Variants in CENPP observed in about 807,000 individuals in gnomAD.
CENPP encodes the protein centromere protein P.
A neutral mutation model predicts 35.6 loss-of-function variants in CENPP; 24 were observed. The observed-to-expected ratio is 0.67, with a 90% CI of 0.49 to 0.95. CENPP has a LOEUF of 0.95. Ranked by LOEUF, CENPP falls within the 40% of genes least tolerant of loss-of-function variation. CENPP has a pLI of 0.00. For missense variants in CENPP, 332 were observed against 345.3 expected, an observed-to-expected ratio of 0.96 and a Z score of 0.31; for synonymous variants, 120 against 125.5, an observed-to-expected ratio of 0.96 and a Z score of 0.29.
intron 6 of CENPP, among the ~76,000 whole-genome samples, chr9:92,611,692 T>C (rs763270716): frequency 3.3e-5 from 5 of 152,068 alleles, no homozygotes; most frequent in Non-Finnish European, 7.4e-5. Flanking sequence ...CTGCTGTTAC[T>C]TCAGAAATCG....
At chr9:92,329,182 CTTT>C (rs11366828) in intron 1 of CENPP, among the ~76,000 whole-genome samples, 8 of 104,372 alleles carry the variant, frequency 7.7e-5, no homozygotes, top group African/African-American at 1.8e-4. Flanking sequence ...ATATTTATGG[CTTT>C]TTTTTTTTTT....
chr9:92,588,009 AG>A (rs562707492), intron 5 of CENPP, among the ~76,000 whole-genome samples: 93 of 151,928 alleles, frequency 6.1e-4, no homozygotes, highest in African/African-American at 2.1e-3. Context: ...GCATGGTGGT[AG>A]GCACCTGTCA....
intron 5 of CENPP, among the ~76,000 whole-genome samples, chr9:92,526,249 TA>T (rs1296529501): frequency 6.6e-6 from 1 of 152,072 alleles, no homozygotes; most frequent in Non-Finnish European, 1.5e-5. Flanking sequence ...TTTGAAAAGT[TA>T]AAAAATAAAA....
chr9:92,408,534 T>C (rs1415980521), intron 5 of CENPP, among the ~76,000 whole-genome samples: 1 of 152,166 alleles, frequency 6.6e-6, no homozygotes, highest in African/African-American at 2.4e-5. Context: ...TGGCAAGTTC[T>C]TTAACGTTTT....
intron 5 of CENPP, among the ~76,000 whole-genome samples, chr9:92,453,557 T>TG (rs1215201769): frequency 2.6e-4 from 40 of 152,212 alleles, no homozygotes; most frequent in Non-Finnish European, 5.9e-5. Context: ...GGTGTGGTGC[T>TG]GAAAAAAAAG....
intron 5 of CENPP, among the ~76,000 whole-genome samples, chr9:92,490,189 G>A (rs1846144193): frequency 6.6e-6 from 1 of 152,206 alleles, no homozygotes; most frequent in East Asian, 1.9e-4. Context: ...GGAGGCAGAT[G>A]TTGTTTCCTG....
chr9:92,494,053 C>A, intron 5 of CENPP: 1 of 1,595,056 alleles, frequency 6.3e-7, no homozygotes, highest in Non-Finnish European at 8.5e-7. Context: ...TGCCTGCTTA[C>A]TTGTCTGTTT....
In CENPP at chr9:92,619,656, T is replaced by C. The variant is rs1346026325; in HGVS notation, c.*6507T>C. 2 of 1,148,712 alleles carry C rather than the reference T, an allele frequency of 1.7e-6. No homozygotes were observed. Among genetic ancestry groups the C allele is most frequent in the African/African-American group, 1.5e-5 (1 of 65,394 alleles). 71.2% of individuals were successfully genotyped at this position (1,148,712 alleles called of 1,614,324 possible). ...CTTCCCAGTAGCCAAGTGTGGGAAC[T>C]GCTTCCTGCCTCAGAACCTGAGGGT... On this transcript the variant is annotated 3_prime_UTR_variant, in exon 8 of 8. Coordinates refer to ENST00000375587, the MANE Select transcript of CENPP (RefSeq NM_001012267.3).
intron 5 of CENPP, among the ~76,000 whole-genome samples, chr9:92,598,637 C>T (rs1850836292): frequency 1.3e-5 from 2 of 152,034 alleles, no homozygotes; most frequent in African/African-American, 2.4e-5. Context: ...GCTCGGAACA[C>T]ACTGTTTCCT....
intron 4 of CENPP, among the ~76,000 whole-genome samples, chr9:92,353,562 T>A (rs1454976108): frequency 6.6e-6 from 1 of 152,232 alleles, no homozygotes; most frequent in African/African-American, 2.4e-5. Flanking sequence ...CTTGATAGTC[T>A]GGGTCAGTCA....
At chr9:92,391,485 G>T (rs1842685213) in intron 5 of CENPP, among the ~76,000 whole-genome samples, 1 of 152,110 alleles carries the variant, frequency 6.6e-6, no homozygotes, top group Non-Finnish European at 1.5e-5. Context: ...TGTAGTCTCA[G>T]CTACTTGCGA....
At chr9:92,387,329 T>C (rs1174672022) in intron 5 of CENPP, among the ~76,000 whole-genome samples, 1 of 151,660 alleles carries the variant, frequency 6.6e-6, no homozygotes, top group African/African-American at 2.4e-5. Flanking sequence ...TGAGCCGAGA[T>C]TGTGCCACTG....
intron 5 of CENPP, among the ~76,000 whole-genome samples, chr9:92,433,464 C>A (rs1404803078): frequency 6.6e-6 from 1 of 152,068 alleles, no homozygotes; most frequent in Non-Finnish European, 1.5e-5. Flanking sequence ...CAGCCTGATA[C>A]CTTTTTTTCT....
rs1233664675 is a variant in CENPP, at chr9:92,615,608, A to G, written c.*2459A>G. 1 of 525,456 alleles carries G rather than the reference A, an allele frequency of 1.9e-6. No individual in the cohort carries two copies. Among genetic ancestry groups the G allele is most frequent in the Non-Finnish European group, 3.4e-6 (1 of 291,380 alleles). 32.5% of individuals were successfully genotyped at this position (525,456 alleles called of 1,614,324 possible). Reference sequence around the variant, plus strand: ...GCTTAACGGACACTTCCATTTTAAGAGTGTGAGCAGCTTCCTGGGACACAG... The same window carrying G: ...GCTTAACGGACACTTCCATTTTAAGGGTGTGAGCAGCTTCCTGGGACACAG... On this transcript the variant is annotated 3_prime_UTR_variant, in exon 8 of 8. Coordinates refer to ENST00000375587, the MANE Select transcript of CENPP (RefSeq NM_001012267.3).
intron 5 of CENPP, chr9:92,536,470 C>T (rs145412133): frequency 4.8e-4 from 60 of 124,262 alleles, no homozygotes; most frequent in African/African-American, 1.8e-3. Context: ...ACCTCGATCT[C>T]ACACACAATA....
At chr9:92,536,106 C>G (rs1849150359) in intron 5 of CENPP, 1 of 443,456 alleles carries the variant, frequency 2.3e-6, no homozygotes, top group South Asian at 1.7e-5. Flanking sequence ...GGGATAAATG[C>G]CTTTCAGTTC....
At chr9:92,600,724 T>C (rs190684443) in intron 5 of CENPP, among the ~76,000 whole-genome samples, 8 of 152,344 alleles carry the variant, frequency 5.3e-5, no homozygotes, top group Admixed American at 4.6e-4. Flanking sequence ...TGCCCCACCA[T>C]GGGTTTGGAA....
In CENPP at chr9:92,401,159, A is replaced by T. The variant is rs768637841; in HGVS notation, c.564+21300A>T. 9 of 1,528,294 alleles carry T rather than the reference A, an allele frequency of 5.9e-6. No individual in the cohort carries two copies. Among genetic ancestry groups the T allele is most frequent in the African/African-American group, 1.4e-5 (1 of 73,186 alleles). The allele number at this position is 1,528,294 out of a possible 1,614,324, so 94.7% of individuals were successfully genotyped here. Reference sequence around the variant, plus strand: ...CTTTTTGTAATTGAAGACTTTTCTCATTGGGTATTATCACAGTTTCTTTTT... The same window carrying T: ...CTTTTTGTAATTGAAGACTTTTCTCTTTGGGTATTATCACAGTTTCTTTTT... On this transcript the variant is annotated intron_variant, in intron 5 of 7. Coordinates refer to ENST00000375587, the MANE Select transcript of CENPP (RefSeq NM_001012267.3).
At chr9:92,354,575 G>T (rs1841542594) in intron 4 of CENPP, among the ~76,000 whole-genome samples, 1 of 152,164 alleles carries the variant, frequency 6.6e-6, no homozygotes, top group African/African-American at 2.4e-5. Flanking sequence ...GCCCAGGCTG[G>T]TCTTGAACTC....
Sources: allele counts gnomAD v4.1 joint callset (sites outside exome capture counted in the v4.1 genomes callset), GRCh38; gene constraint gnomAD v4.1.1; transcripts MANE v1.5; gene names NCBI Gene and HGNC (gene_info 2026-07-23, HGNC 2026-07-21).